The following PCNX4 variants were observed in gnomAD, a reference collection of about 807,000 sequenced individuals.
The protein encoded by PCNX4 is pecanex-like protein 4.
In PCNX4, 103 loss-of-function variants were observed where a neutral mutation model predicts 107.2. That is an observed-to-expected ratio of 0.96 (90% CI 0.82 to 1.13). The LOEUF (loss-of-function observed/expected upper bound fraction) is 1.13, where lower values mean the gene tolerates loss of function less well. Among genes scored for constraint, PCNX4 ranks in the 50% most tolerant of loss-of-function variants. PCNX4 has a pLI of 0.00. For synonymous variants in PCNX4, 541 were observed against 481.7 expected (o/e 1.12, Z -1.61); for missense variants, 1,528 against 1,379.4 (o/e 1.11, Z -1.71).
At chr14:60,112,276 G>A (rs1895753927) in intron 2 of PCNX4, among the ~76,000 whole-genome samples, 3 of 152,048 alleles carry the variant, frequency 2.0e-5, no homozygotes, top group Admixed American at 1.3e-4. Context: ...TTTTTTCTTG[G>A]CATGTGGATC....
In PCNX4 at chr14:60,138,760, G is replaced by A. The variant is rs1007699777; in HGVS notation, c.*4539G>A. 2 of 152,068 alleles carry A rather than the reference G, an allele frequency of 1.3e-5. No individual in the cohort carries two copies. Among genetic ancestry groups the A allele is most frequent in the African/African-American group, 2.4e-5 (1 of 41,428 alleles). The allele number at this position is 152,068 out of a possible 1,614,324, so 9.4% of individuals were successfully genotyped here. On this transcript the variant is annotated 3_prime_UTR_variant, in exon 11 of 11. Transcript: ENST00000406854. ...AGAAGGAAAAAGATCCCAGAAAAAG[G>A]TTAGAGATAAAGGTAGGAATGAACA...
chr14:60,102,192 A>C (rs1449240296), intron 1 of PCNX4, among the ~76,000 whole-genome samples: 2 of 152,212 alleles, frequency 1.3e-5, no homozygotes, highest in Non-Finnish European at 2.9e-5. Flanking sequence ...TTGTACACTT[A>C]AATGTTTAAC....
At chr14:60,118,794 A>G (rs776055056) in intron 7 of PCNX4, 102 bp downstream of exon 7, 374 of 1,237,378 alleles carry the variant, frequency 3.0e-4, no homozygotes, top group Middle Eastern at 4.2e-4. Context: ...ATAAGATAGC[A>G]TAACAACCAT....
chr14:60,107,700 C>T lies in PCNX4; in HGVS notation c.62C>T (p.Pro21Leu), dbSNP rs1474514990. ...CAGGACTTCTTTCTGAAGCGCTTTC[C>T]ACAGACTGTTCTTGGAGGCCCTCGA... Reference protein sequence around the residue: ...YKQDFFLKRFPQTVLGGPRFK... With the variant: ...YKQDFFLKRFLQTVLGGPRFK... Residue 21 changes from proline (P) to leucine (L), a missense_variant, in exon 2 of 11, where the codon CCA (proline) becomes CTA (leucine). Physicochemically the swap from Pro to Leu is moderately conservative, Grantham distance 98. Coordinates refer to ENST00000406854, the MANE Select transcript of PCNX4 (RefSeq NM_001330177.2). 4 of 1,612,822 alleles carry T rather than the reference C, an allele frequency of 2.5e-6. No homozygotes were observed. Among genetic ancestry groups the T allele is most frequent in the Admixed American group, 1.7e-5 (1 of 60,022 alleles).
At chr14:60,114,272 T>C (rs1339676475) in intron 2 of PCNX4, among the ~76,000 whole-genome samples, 2 of 152,200 alleles carry the variant, frequency 1.3e-5, no homozygotes, top group Admixed American at 6.5e-5. Context: ...TTTTAAATTA[T>C]AAAATTTTAA....
At chr14:60,120,471 T>A (rs941502360) in intron 7 of PCNX4, among the ~76,000 whole-genome samples, 1 of 152,190 alleles carries the variant, frequency 6.6e-6, no homozygotes, top group African/African-American at 2.4e-5. Context: ...ACCAACCATA[T>A]AAGCAGACCT....
At chr14:60,113,863 G>C (rs1595168780) in intron 2 of PCNX4, among the ~76,000 whole-genome samples, 1 of 152,244 alleles carries the variant, frequency 6.6e-6, no homozygotes, top group African/African-American at 2.4e-5. Flanking sequence ...TATTGATAAT[G>C]TTTGTACTCT....
In PCNX4 at chr14:60,134,133, T is replaced by C; in HGVS notation, c.3431T>C (p.Leu1144Pro). 2 of 1,613,886 alleles carry C rather than the reference T, an allele frequency of 1.2e-6. No homozygotes were observed. Among genetic ancestry groups the C allele is most frequent in the Non-Finnish European group, 1.7e-6 (2 of 1,179,784 alleles). ...TATAGTATACAAGCTCATCCACTACTTTTAAGAAATCTTACGGTACAAGCA... is the reference window on the plus strand; with the variant it reads ...TATAGTATACAAGCTCATCCACTACCTTTAAGAAATCTTACGGTACAAGCA... ...ERYSIQAHPL[L>P]LRNLTVQAAE... is the part of the protein sequence containing the mutation. The change falls in exon 11 of 11, where the codon CTT becomes CCT. Residue 1144 changes from leucine to proline, a missense_variant. By Grantham distance (98) the Leu-to-Pro change is moderately conservative. Transcript: ENST00000406854.
At chr14:60,112,024 TA>T (rs1461395059) in intron 2 of PCNX4, among the ~76,000 whole-genome samples, 2 of 152,232 alleles carry the variant, frequency 1.3e-5, no homozygotes, top group African/African-American at 4.8e-5. Flanking sequence ...AATTGTTTCT[TA>T]ATTTTATTTC....
Position 60,139,434 on chromosome 14 carries a change from T to A in PCNX4, c.*5213T>A, listed in dbSNP as rs1044910553. On this transcript the variant is annotated 3_prime_UTR_variant, in exon 11 of 11. Transcript: ENST00000406854. ...CCAGAAAGTTTCAACAGGTCTAATA[T>A]TTTAATGATTTAACAATATAGCCTC... The A allele has an allele frequency of 1.3e-5, 2 of 152,112 alleles. No homozygotes were observed. Among genetic ancestry groups the A allele is most frequent in the Middle Eastern group, 3.2e-3 (1 of 316 alleles). 9.4% of individuals were successfully genotyped at this position (152,112 alleles called of 1,614,324 possible). A position where few individuals can be genotyped will look rare whatever the true frequency, so the allele number is the denominator to read the frequency against.
chr14:60,109,274 T>A (rs535118805), intron 2 of PCNX4: 14 of 167,264 alleles, frequency 8.4e-5, no homozygotes, highest in Middle Eastern at 3.4e-3. Context: ...TAAATTGATG[T>A]TGTTTAAGCC....
In PCNX4 at chr14:60,115,303, T is replaced by C. The variant is rs771808794; in HGVS notation, c.1199T>C (p.Ile400Thr). 6.2e-6 allele frequency: 10 copies of C among 1,608,858 alleles called. No homozygotes were observed. The highest frequency in any genetic ancestry group is 2.2e-5 in the East Asian group (1 of 44,850). The change falls in exon 4 of 11, where the codon ATA (isoleucine) becomes ACA (threonine). Residue 400 changes from isoleucine (I) to threonine (T), a missense_variant. By Grantham distance (89) the Ile-to-Thr change is moderately conservative. Coordinates refer to ENST00000406854, the MANE Select transcript of PCNX4 (RefSeq NM_001330177.2). ...GGCTATGGTTTGATGATATTACTTA[T>C]AATACTGTGGATACTTAGAGAAATT... The part of the protein sequence containing the change: ...IVGYGLMILL[I>T]ILWILREIQS...
intron 1 of PCNX4, among the ~76,000 whole-genome samples, chr14:60,097,418 A>G (rs905401539): frequency 6.6e-6 from 1 of 152,236 alleles, no homozygotes; most frequent in Non-Finnish European, 1.5e-5. Flanking sequence ...GCTTTACTCT[A>G]CTATTTGCAG....
At chr14:60,120,311 C>T (rs75218225) in intron 7 of PCNX4, among the ~76,000 whole-genome samples, 5,110 of 152,210 alleles carry the variant, frequency 0.034, 232 homozygotes, top group African/African-American at 0.11. Context: ...TTACTGCAGG[C>T]TGGTCATGCA....
chr14:60,095,374 G>C (rs1222507113), intron 1 of PCNX4, among the ~76,000 whole-genome samples: 1 of 152,140 alleles, frequency 6.6e-6, no homozygotes, highest in Non-Finnish European at 1.5e-5. Flanking sequence ...GTGGGCCAGG[G>C]GTAACTGCAC....
Position 60,144,993 on chromosome 14 carries a change from A to G in PCNX4, c.*10772A>G. The stretch of plus-strand genomic sequence containing the variant: ...AGTCATGTTTTGTCTTAAAGATTTT[A>G]AAATAAGAAGAGTCTGCATCCTGTA... On this transcript the variant is annotated 3_prime_UTR_variant, in exon 11 of 11. Coordinates refer to ENST00000406854, the MANE Select transcript of PCNX4 (RefSeq NM_001330177.2). 1 of 1,602,418 alleles carries G rather than the reference A, an allele frequency of 6.2e-7. No individual in the cohort carries two copies. Among genetic ancestry groups the G allele is most frequent in the Non-Finnish European group, 8.5e-7 (1 of 1,176,860 alleles).
chr14:60,131,295 A>G (rs1477406889), intron 10 of PCNX4, among the ~76,000 whole-genome samples: 2 of 152,242 alleles, frequency 1.3e-5, no homozygotes, highest in Admixed American at 1.3e-4. Flanking sequence ...TTCACAGCTG[A>G]CATGATCTTA....
Position 60,118,456 on chromosome 14 carries a change from A to G in PCNX4, c.1706A>G (p.Asn569Ser), listed in dbSNP as rs750726110. Residue 569 changes from asparagine to serine, a missense_variant, in exon 7 of 11, where the codon AAC becomes AGC. Transcript: ENST00000406854. ...ACAACTGCCACTTTATGTATACTCA[A>G]CATTGTCTTTTCTCCATTCGTGTTG... ...RKTTATLCIL[N>S]IVFSPFVLVI... 4.3e-6 allele frequency: 7 copies of G among 1,613,694 alleles called. No homozygotes were observed. Among genetic ancestry groups the G allele is most frequent in the Admixed American group, 1.7e-5 (1 of 59,886 alleles).
intron 6 of PCNX4, among the ~76,000 whole-genome samples, chr14:60,117,793 C>T (rs750330745): frequency 1.3e-5 from 2 of 152,082 alleles, no homozygotes; most frequent in Non-Finnish European, 2.9e-5. Context: ...CTTCTATTTT[C>T]TGGTAGAAGT....
Sources: gnomAD v4.1 joint callset for allele counts (sites outside exome capture counted in the v4.1 genomes callset) on GRCh38, gnomAD v4.1.1 for gene constraint, MANE v1.5 for transcripts, NCBI Gene and HGNC (gene_info 2026-07-23, HGNC 2026-07-21) for gene names.